SUPT5H: variants seen among roughly 807,000 people sequenced by gnomAD.
SUPT5H encodes the protein SPT5 homolog, DSIF elongation factor subunit.
A neutral mutation model predicts 142.5 loss-of-function variants in SUPT5H; 24 were observed. That is an observed-to-expected ratio of 0.17 (90% confidence interval 0.12 to 0.24). The LOEUF (loss-of-function observed/expected upper bound fraction) is 0.24. Ranked by LOEUF, SUPT5H falls within the 10% of genes least tolerant of loss-of-function variation. SUPT5H has a pLI of 1.00. For missense variants in SUPT5H, 893 were observed against 1,471.8 expected (o/e 0.61, Z 6.43); for synonymous variants, 546 against 553.0 (o/e 0.99, Z 0.18).
At chr19:39,454,187 T>A (rs1330697089) in intron 3 of SUPT5H, among the ~76,000 whole-genome samples, 1 of 152,208 alleles carries the variant, frequency 6.6e-6, no homozygotes, top group East Asian at 1.9e-4. Context: ...TTGTTGCCAT[T>A]GTATGTAATT....
intron 4 of SUPT5H, 54 bp downstream of exon 4, chr19:39,457,794 G>T: frequency 6.2e-7 from 1 of 1,613,148 alleles, no homozygotes; most frequent in Non-Finnish European, 8.5e-7. Context: ...GGCTGAGAGG[G>T]TCTTCAGAGC....
rs984730253 is a variant in SUPT5H at position 39,458,398 on chromosome 19, C to T, written c.319+93C>T. On this transcript the variant is annotated intron_variant, in intron 5 of 29. Transcript: ENST00000432763. The surrounding 1 kb of genome is among the most constrained non-coding windows in gnomAD (Gnocchi z 4.2). ...CACCTGCCCTCACCGGTAGCCTCCC[C>T]ACCAGCCCCGGTCTGGCCCTGAGGG... The T allele has an allele frequency of 2.5e-6, 4 of 1,590,652 alleles. No individual in the cohort carries two copies. The African/African-American group carries it at 4.0e-5, about 16-fold the overall frequency.
In SUPT5H at chr19:39,458,320, A is replaced by G. The variant is rs758802928; in HGVS notation, c.319+15A>G. 2.0e-6 allele frequency: 3 copies of G among 1,502,784 alleles called. No individual in the cohort carries two copies. Among genetic ancestry groups the G allele is most frequent in the Non-Finnish European group, 2.7e-6 (3 of 1,106,546 alleles). The allele number at this position is 1,502,784 out of a possible 1,614,324, so 93.1% of individuals were successfully genotyped here. On this transcript the variant is annotated intron_variant, in intron 5 of 29. Transcript: ENST00000432763. This position sits in a 1 kb window ranked among gnomAD's most constrained non-coding sequence, Gnocchi z 4.2. ...AGAGATTGAAGGTAAGAATATGAAA[A>G]GTGTGATTCCCTGACCTTCCTCCCA...
chr19:39,446,071 G>GA, intron 2 of SUPT5H, 106 bp downstream of exon 2: 1 of 1,224,664 alleles, frequency 8.2e-7, no homozygotes, highest in Non-Finnish European at 1.2e-6. Flanking sequence ...TCTGGCTTCT[G>GA]GGAACTCCCA....
rs1170611094 is a variant in SUPT5H, at chr19:39,474,730, C to G, written c.3024+12C>G. The G allele has an allele frequency of 2.5e-6, 4 of 1,602,146 alleles. No homozygotes were observed. In the East Asian group the frequency reaches 6.8e-5, roughly 27 times the overall value. On this transcript the variant is annotated intron_variant, in intron 28 of 29. Transcript: ENST00000432763. The surrounding 1 kb of genome is among the most constrained non-coding windows in gnomAD (Gnocchi z 6.5). Reference sequence around the variant, plus strand: ...TCCGCAGTGTCACGGTACGTGGGGCCCAGGGTGGTGGGTGAGCAGGCATCC... The same window carrying G: ...TCCGCAGTGTCACGGTACGTGGGGCGCAGGGTGGTGGGTGAGCAGGCATCC...
rs1303055776 is a variant in SUPT5H at position 39,458,457 on chromosome 19, T to C, written c.319+152T>C. On this transcript the variant is annotated intron_variant, in intron 5 of 29. Coordinates refer to ENST00000432763, the MANE Select transcript of SUPT5H (RefSeq NM_001111020.3). The surrounding 1 kb of genome is among the most constrained non-coding windows in gnomAD (Gnocchi z 4.2). ...CATGTAGGATCCAGAGTCAGGGAGT[T>C]CTGGGGCCAGGTATACCCCAGTTGT... 1 of 1,395,398 alleles carries C rather than the reference T, an allele frequency of 7.2e-7. No homozygotes were observed. The highest frequency in any genetic ancestry group is 9.7e-7 in the Non-Finnish European group (1 of 1,026,756). 86.4% of individuals were successfully genotyped at this position (1,395,398 alleles called of 1,614,324 possible). A position where few individuals can be genotyped will look rare whatever the true frequency, so the allele number is the denominator to read the frequency against.
At chr19:39,475,779 C>T in intron 28 of SUPT5H, 1 of 378,060 alleles carries the variant, frequency 2.6e-6, no homozygotes, top group Non-Finnish European at 4.9e-6. Context: ...AGACCAGGTC[C>T]AGGAAGAGGA....
At position 39,473,019 on chromosome 19, in the gene SUPT5H, C is replaced by T. The variant is rs753001876; in HGVS notation, c.2163C>T (p.Ile721=). 1.5e-5 allele frequency: 25 copies of T among 1,613,592 alleles called. No homozygotes were observed. In the East Asian group the frequency reaches 1.8e-4, roughly 12 times the overall value. ...RISQGPYKGY[I]GVVKDATEST... is the part of the protein sequence containing the mutation. ...CCTCCTGTCCCCCTGCAGGCTACATCGGTGTGGTGAAAGATGCCACAGAGT... is the reference window on the plus strand; with the variant it reads ...CCTCCTGTCCCCCTGCAGGCTACATTGGTGTGGTGAAAGATGCCACAGAGT... The change falls in exon 23 of 30, where the codon ATC becomes ATT. Residue 721 remains isoleucine, a synonymous_variant. Coordinates refer to ENST00000432763, the MANE Select transcript of SUPT5H (RefSeq NM_001111020.3). The surrounding 1 kb of genome is among the most constrained non-coding windows in gnomAD (Gnocchi z 5.8).
Position 39,459,192 on chromosome 19 carries a change from G to C in SUPT5H, c.467G>C (p.Gly156Ala). The C allele has an allele frequency of 6.3e-7, 1 of 1,591,892 alleles. No homozygotes were observed. The highest frequency in any genetic ancestry group is 8.6e-7 in the Non-Finnish European group (1 of 1,168,870). ...AKSSVGETVY[G>A]GSDELSDDIT... ...TGCCCTCCTCCCTTCAGGGTGTATG[G>C]AGGATCTGATGAGCTCTCAGACGAC... The change falls in exon 8 of 30, where the codon GGA (glycine) becomes GCA (alanine). Residue 156 changes from glycine (G) to alanine (A), a missense_variant. Physicochemically the swap from Gly to Ala is moderately conservative, Grantham distance 60. Transcript: ENST00000432763.
At chr19:39,455,213 C>A (rs1291726537) in intron 3 of SUPT5H, among the ~76,000 whole-genome samples, 1 of 152,032 alleles carries the variant, frequency 6.6e-6, no homozygotes, top group African/African-American at 2.4e-5. Flanking sequence ...TGTGGGAGAG[C>A]TCTGAGTTAG....
intron 28 of SUPT5H, among the ~76,000 whole-genome samples, chr19:39,475,410 T>C (rs900929809): frequency 1.5e-5 from 2 of 132,814 alleles, no homozygotes; most frequent in Admixed American, 7.3e-5. Context: ...AAAAAAATGG[T>C]GAGTGATGAG....
chr19:39,445,637 G>C lies in SUPT5H; in HGVS notation c.-88G>C, dbSNP rs945553139. On this transcript the variant is annotated splice_region_variant and 5_prime_UTR_variant, in exon 1 of 30. Coordinates refer to ENST00000432763, the MANE Select transcript of SUPT5H (RefSeq NM_001111020.3). Reference sequence around the variant, plus strand: ...CCGAAGGCGGAGGTGGAGCCCGAGAGGTAAGTGCGTGTGCAGAGGTGGCAG... The same window carrying C: ...CCGAAGGCGGAGGTGGAGCCCGAGACGTAAGTGCGTGTGCAGAGGTGGCAG... 1 of 515,638 alleles carries C rather than the reference G, an allele frequency of 1.9e-6. No individual in the cohort carries two copies. Among genetic ancestry groups the C allele is most frequent in the Non-Finnish European group, 3.5e-6 (1 of 283,676 alleles). The allele number at this position is 515,638 out of a possible 1,614,324, so 31.9% of individuals were successfully genotyped here. A position where few individuals can be genotyped will look rare whatever the true frequency, so the allele number is the denominator to read the frequency against.
rs1454321589 is a variant in SUPT5H at position 39,472,548 on chromosome 19, T to A, written c.2035+55T>A. On this transcript the variant is annotated intron_variant, in intron 21 of 29. Transcript: ENST00000432763. This position sits in a 1 kb window ranked among gnomAD's most constrained non-coding sequence, Gnocchi z 4.2. ...GTGGGTAGAAGGGGCTGGAAGGAACTTGGTTGTTCAGCCTACACTCACTGA... is the reference window on the plus strand; with the variant it reads ...GTGGGTAGAAGGGGCTGGAAGGAACATGGTTGTTCAGCCTACACTCACTGA... The A allele has an allele frequency of 1.3e-6, 2 of 1,590,196 alleles. No individual in the cohort carries two copies. The highest frequency in any genetic ancestry group is 1.7e-6 in the Non-Finnish European group (2 of 1,160,300).
chr19:39,464,591 C>T (rs1644679891), intron 10 of SUPT5H, among the ~76,000 whole-genome samples: 1 of 152,134 alleles, frequency 6.6e-6, no homozygotes, highest in Non-Finnish European at 1.5e-5. Context: ...TAACTAGTTA[C>T]TGTTTCTGGA....
chr19:39,471,571 T>C (rs752512159), intron 19 of SUPT5H, 34 bp from the exon 20 acceptor site: 6 of 1,613,926 alleles, frequency 3.7e-6, no homozygotes, highest in Non-Finnish European at 3.4e-6. Context: ...GAGGGGGACA[T>C]GGTCAAGAGA....
Position 39,464,781 on chromosome 19 carries a change from A to G in SUPT5H, c.625-17A>G, listed in dbSNP as rs750255492. Reference sequence around the variant, plus strand: ...TTGTGTCTCACTGTTTCCTCCTTCCACCGGCTCACCCTGCAGCCCCTGCAG... The same window carrying G: ...TTGTGTCTCACTGTTTCCTCCTTCCGCCGGCTCACCCTGCAGCCCCTGCAG... On this transcript the variant is annotated splice_polypyrimidine_tract_variant and intron_variant, in intron 10 of 29. Coordinates refer to ENST00000432763, the MANE Select transcript of SUPT5H (RefSeq NM_001111020.3). 29 of 1,582,992 alleles carry G rather than the reference A, an allele frequency of 1.8e-5. No individual in the cohort carries two copies. The highest frequency in any genetic ancestry group is 2.3e-5 in the Non-Finnish European group (27 of 1,158,612).
chr19:39,450,083 A>T (rs2079002380), intron 2 of SUPT5H, among the ~76,000 whole-genome samples: 1 of 151,446 alleles, frequency 6.6e-6, no homozygotes. Flanking sequence ...GGACAACAAG[A>T]TTTTGCCACC....
Position 39,460,692 on chromosome 19 carries a change from A to G in SUPT5H, c.624+732A>G, listed in dbSNP as rs555449103. On this transcript the variant is annotated intron_variant, in intron 10 of 29. Transcript: ENST00000432763. ...AGAAGTTGCGGTGAGCCGAGATCGC[A>G]TCACTGCACTCCAGTGTGACAAAAA... is the stretch of plus-strand genomic sequence containing the variant. Among the ~76,000 whole-genome samples, 8 of 152,226 alleles carry G rather than the reference A, an allele frequency of 5.3e-5. No homozygotes were observed. The South Asian group carries it at 1.7e-3, about 32-fold the overall frequency.
Position 39,474,311 on chromosome 19 carries a change from G to A in SUPT5H, c.2729G>A (p.Ser910Asn). 5 of 1,613,762 alleles carry A rather than the reference G, an allele frequency of 3.1e-6. No homozygotes were observed. Among genetic ancestry groups the A allele is most frequent in the Non-Finnish European group, 4.2e-6 (5 of 1,179,900 alleles). ...GSYQPSPSPQ[S>N]YHQVAPSPAG... ...TACCAGCCCAGCCCCAGCCCCCAGA[G>A]CTACCACCAGGTGGCGCCAAGCCCA... The change falls in exon 27 of 30, where the codon AGC becomes AAC. Residue 910 changes from serine to asparagine, a missense_variant. Physicochemically the swap from Ser to Asn is conservative, Grantham distance 46. Around this residue, in one of 6 missense-constraint regions of SUPT5H, gnomAD observed 336 missense variants for 546.5 expected, o/e 0.61. Coordinates refer to ENST00000432763, the MANE Select transcript of SUPT5H (RefSeq NM_001111020.3). This position sits in a 1 kb window ranked among gnomAD's most constrained non-coding sequence, Gnocchi z 6.5.
Sources: allele counts gnomAD v4.1 joint callset (sites outside exome capture counted in the v4.1 genomes callset), GRCh38; gene constraint gnomAD v4.1.1; regional missense constraint gnomAD v4.1.1; non-coding constraint Gnocchi (gnomAD v3.1); transcripts MANE v1.5; gene names NCBI Gene and HGNC (gene_info 2026-07-23, HGNC 2026-07-21).